DPYD: variants seen among roughly 807,000 people sequenced by gnomAD.
DPYD encodes dihydropyrimidine dehydrogenase [NADP(+)].
In DPYD, 109 loss-of-function variants were observed where a neutral mutation model predicts 116.2. That is an observed-to-expected ratio of 0.94 (90% CI 0.80 to 1.10). DPYD has a LOEUF of 1.10. DPYD is among the 50% of genes least tolerant of loss of function. The probability of loss-of-function intolerance (pLI) is 0.00; values close to 1 mark genes in which losing one functional copy is unlikely to be tolerated. For missense variants in DPYD, 1,302 were observed against 1,254.5 expected (o/e 1.04, Z -0.57); for synonymous variants, 440 against 432.0 (o/e 1.02, Z -0.23).
At chr1:97,793,170 T>C (rs1209227093) in intron 3 of DPYD, among the ~76,000 whole-genome samples, 1 of 152,172 alleles carries the variant, frequency 6.6e-6, no homozygotes, top group Non-Finnish European at 1.5e-5. Context: ...TCCTAAGTTT[T>C]AAAATATGTT....
rs1052391405 is a variant in DPYD at position 97,823,329 on chromosome 1, C to A, written c.233+4785G>T. Among the ~76,000 whole-genome samples, 5 of 152,004 alleles carry A rather than the reference C, an allele frequency of 3.3e-5. No individual in the cohort carries two copies. In the South Asian group the frequency reaches 6.2e-4, roughly 19 times the overall value. On this transcript the variant is annotated intron_variant, in intron 3 of 22. Coordinates refer to ENST00000370192, the MANE Select transcript of DPYD (RefSeq NM_000110.4). ...GCCACCATACCCGGCTAATTTTTTGCATATTTAGTAGAGACGGGGTTTCAC... is the reference window on the plus strand; with the variant it reads ...GCCACCATACCCGGCTAATTTTTTGAATATTTAGTAGAGACGGGGTTTCAC...
At chr1:97,894,703 A>G (rs1467678578) in intron 1 of DPYD, among the ~76,000 whole-genome samples, 5 of 151,716 alleles carry the variant, frequency 3.3e-5, no homozygotes, top group Non-Finnish European at 7.4e-5. Flanking sequence ...TACTGTTTGT[A>G]TATTTTTATT....
intron 14 of DPYD, among the ~76,000 whole-genome samples, chr1:97,383,687 C>T (rs561425987): frequency 3.3e-5 from 5 of 152,140 alleles, no homozygotes; most frequent in South Asian, 4.2e-4. Flanking sequence ...TAAGGAACAG[C>T]GCCAGGACCC....
intron 20 of DPYD, among the ~76,000 whole-genome samples, chr1:97,190,332 TTC>T (rs1390873765): frequency 6.6e-6 from 1 of 152,182 alleles, no homozygotes; most frequent in Non-Finnish European, 1.5e-5. Flanking sequence ...TCTATTGCTA[TTC>T]TCTTTTTTGT....
intron 15 of DPYD, among the ~76,000 whole-genome samples, chr1:97,375,723 T>C (rs1671573675): frequency 6.6e-6 from 1 of 152,236 alleles, no homozygotes; most frequent in South Asian, 2.1e-4. Context: ...GTGGATAATA[T>C]GACCTGTCTC....
intron 19 of DPYD, among the ~76,000 whole-genome samples, chr1:97,215,840 C>T (rs1011943536): frequency 6.6e-6 from 1 of 152,142 alleles, no homozygotes; most frequent in Non-Finnish European, 1.5e-5. Context: ...GTGACCTAAG[C>T]ATTCTTTTTG....
At chr1:97,704,434 T>A (rs74410202) in intron 5 of DPYD, among the ~76,000 whole-genome samples, 1,872 of 151,326 alleles carry the variant, frequency 0.012, 36 homozygotes, top group African/African-American at 0.043. Context: ...AAAAAGAGGG[T>A]TAACTTAATT....
At chr1:97,176,321 C>A (rs1487080717) in intron 20 of DPYD, among the ~76,000 whole-genome samples, 1 of 152,168 alleles carries the variant, frequency 6.6e-6, no homozygotes, top group Non-Finnish European at 1.5e-5. Flanking sequence ...TGCATTCTGC[C>A]ATGAAATCTC....
At chr1:97,220,115 T>G (rs1660686016) in intron 19 of DPYD, among the ~76,000 whole-genome samples, 1 of 152,176 alleles carries the variant, frequency 6.6e-6, no homozygotes, top group Admixed American at 6.5e-5. Flanking sequence ...CAATCTCCAA[T>G]GTGGCAGTAT....
chr1:97,215,224 C>T (rs1022422177), intron 19 of DPYD, among the ~76,000 whole-genome samples: 2 of 152,148 alleles, frequency 1.3e-5, no homozygotes, highest in African/African-American at 4.8e-5. Flanking sequence ...ATAAAATGTT[C>T]ACACGTCTAG....
intron 3 of DPYD, among the ~76,000 whole-genome samples, chr1:97,755,281 G>T (rs1036904658): frequency 1.3e-5 from 2 of 152,122 alleles, no homozygotes; most frequent in African/African-American, 4.8e-5. Context: ...TGACCCTGGG[G>T]TATAAAATCC....
chr1:97,482,887 AG>A (rs903638000), intron 13 of DPYD, among the ~76,000 whole-genome samples: 25 of 152,328 alleles, frequency 1.6e-4, no homozygotes, highest in Admixed American at 1.4e-3. Context: ...ACACATTTTC[AG>A]TTAAATCTAA....
chr1:97,663,004 A>G (rs763355427), intron 8 of DPYD, among the ~76,000 whole-genome samples: 16 of 152,210 alleles, frequency 1.1e-4, no homozygotes, highest in Non-Finnish European at 2.4e-4. Context: ...AATTTCAGTG[A>G]AAAGGTAGTT....
At chr1:97,598,648 G>A in intron 8 of DPYD, among the ~76,000 whole-genome samples, 1 of 152,000 alleles carries the variant, frequency 6.6e-6, no homozygotes, top group East Asian at 1.9e-4. Flanking sequence ...ACGAAGGAAG[G>A]AAGGAAGGAT....
intron 18 of DPYD, among the ~76,000 whole-genome samples, chr1:97,243,046 C>A (rs1373848377): frequency 6.6e-6 from 1 of 151,782 alleles, no homozygotes; most frequent in Non-Finnish European, 1.5e-5. Context: ...GTAAATTCAG[C>A]AATGAAAGCA....
At chr1:97,906,913 T>C (rs1361930072) in intron 1 of DPYD, among the ~76,000 whole-genome samples, 1 of 152,122 alleles carries the variant, frequency 6.6e-6, no homozygotes, top group Non-Finnish European at 1.5e-5. Flanking sequence ...CTTTGGCATA[T>C]ATGAATTGTC....
intron 2 of DPYD, among the ~76,000 whole-genome samples, chr1:97,856,981 A>G (rs1330281848): frequency 2.0e-5 from 3 of 152,116 alleles, no homozygotes; most frequent in Non-Finnish European, 2.9e-5. Flanking sequence ...TTACAAAGGG[A>G]TCCCCAGTAG....
At chr1:97,851,113 T>C (rs1290337996) in intron 2 of DPYD, among the ~76,000 whole-genome samples, 1 of 151,994 alleles carries the variant, frequency 6.6e-6, no homozygotes, top group Admixed American at 6.6e-5. Flanking sequence ...GAGATATTAT[T>C]TGAAGAACAG....
At chr1:97,209,859 C>T (rs916732589) in intron 19 of DPYD, among the ~76,000 whole-genome samples, 2 of 152,120 alleles carry the variant, frequency 1.3e-5, no homozygotes, top group Non-Finnish European at 2.9e-5. Flanking sequence ...TATCTTCTTT[C>T]GTCTTACAAA....
Sources: gnomAD v4.1 joint callset for allele counts (sites outside exome capture counted in the v4.1 genomes callset) on GRCh38, gnomAD v4.1.1 for gene constraint, MANE v1.5 for transcripts, NCBI Gene and HGNC (gene_info 2026-07-23, HGNC 2026-07-21) for gene names.